The following MGAT4D variants were observed in gnomAD, a reference collection of about 807,000 sequenced individuals.
MGAT4D encodes the protein MGAT4 family member D, also known as alpha-1,3-mannosyl-glycoprotein 4-beta-N-acetylglucosaminyltransferase-like protein MGAT4D.
Under a neutral mutation model 15.9 loss-of-function variants are expected in MGAT4D, and 34 were observed. The ratio of observed to expected loss-of-function variants is 2.14; its 90% CI spans 1.62 to 2.84. The LOEUF is 2.84. Ranked by LOEUF, MGAT4D falls within the 30% of genes most tolerant of loss-of-function variation. The pLI, the probability that MGAT4D is intolerant of heterozygous loss-of-function variation, is 0.00. For synonymous variants in MGAT4D, 112 were observed against 48.2 expected (o/e 2.33, Z -5.49); for missense variants, 327 against 140.2 (o/e 2.33, Z -6.73).
intron 5 of MGAT4D, among the ~76,000 whole-genome samples, chr4:140,468,431 C>T (rs1392295913): frequency 6.6e-6 from 1 of 152,078 alleles, no homozygotes; most frequent in Non-Finnish European, 1.5e-5. Flanking sequence ...TTTAAGTGAT[C>T]TTCAAAAGGC....
intron 4 of MGAT4D, among the ~76,000 whole-genome samples, chr4:140,473,581 C>T (rs931734022): frequency 6.6e-6 from 1 of 152,214 alleles, no homozygotes; most frequent in Non-Finnish European, 1.5e-5. Context: ...GTAAGTTGCT[C>T]AAGTTCACTG....
intron 1 of MGAT4D, among the ~76,000 whole-genome samples, chr4:140,495,987 T>C (rs1733811641): frequency 1.3e-5 from 2 of 152,092 alleles, no homozygotes; most frequent in Non-Finnish European, 2.9e-5. Context: ...CCTGCCTCAG[T>C]CTCCCAAAGT....
intron 7 of MGAT4D, 94 bp from the exon 8 acceptor site, chr4:140,459,720 A>G (rs966549698): frequency 8.5e-6 from 3 of 353,870 alleles, no homozygotes; most frequent in African/African-American, 6.3e-5. Context: ...AACTGAATAT[A>G]CTGAAGAAAA....
At position 140,467,310 on chromosome 4, in the gene MGAT4D, T is replaced by C. The variant is rs953504355; in HGVS notation, c.573-2301A>G. Among the ~76,000 whole-genome samples the C allele has an allele frequency of 3.3e-5, 5 of 152,272 alleles. No individual in the cohort carries two copies. The East Asian group carries it at 5.8e-4, about 18-fold the overall frequency. On this transcript the variant is annotated intron_variant, in intron 5 of 10. Transcript: ENST00000511113. ...TGTGGTAAAAGTTAGTAACATAATA[T>C]CTAAATTTTTAAATGAATTTGTGTA...
chr4:140,493,200 C>T (rs758737501), intron 1 of MGAT4D, among the ~76,000 whole-genome samples: 8 of 151,928 alleles, frequency 5.3e-5, no homozygotes, highest in Non-Finnish European at 8.8e-5. Flanking sequence ...CCCGATGCCT[C>T]GGCTACCACC....
At chr4:140,452,650 T>C (rs1254996633) in intron 9 of MGAT4D, among the ~76,000 whole-genome samples, 1 of 152,200 alleles carries the variant, frequency 6.6e-6, no homozygotes, top group African/African-American at 2.4e-5. Flanking sequence ...TCTATACATA[T>C]ACTGAATACA....
intron 9 of MGAT4D, among the ~76,000 whole-genome samples, chr4:140,453,225 T>C (rs1730583066): frequency 6.6e-6 from 1 of 152,134 alleles, no homozygotes; most frequent in African/African-American, 2.4e-5. Flanking sequence ...ACTATTTTAG[T>C]AGATCTATTT....
rs1407890343 is a variant in MGAT4D at position 140,482,286 on chromosome 4, A to G, written c.253+41T>C. The G allele has an allele frequency of 4.8e-5, 28 of 585,616 alleles. No homozygotes were observed. In the East Asian group the frequency reaches 8.0e-4, roughly 17 times the overall value. 36.3% of individuals were successfully genotyped at this position (585,616 alleles called of 1,614,324 possible). ...TAAAATCATAAGACATTGAATCTAC[A>G]TTTCCAAAAACAAAACAAAACAAAC... On this transcript the variant is annotated intron_variant, in intron 2 of 10. Transcript: ENST00000511113.
intron 5 of MGAT4D, among the ~76,000 whole-genome samples, chr4:140,467,322 A>G (rs1410723589): frequency 2.6e-5 from 4 of 152,194 alleles, no homozygotes; most frequent in Non-Finnish European, 4.4e-5. Flanking sequence ...TAAATTTTTA[A>G]ATGAATTTGT....
intron 1 of MGAT4D, among the ~76,000 whole-genome samples, chr4:140,487,610 G>A (rs777262454): frequency 1.1e-4 from 16 of 152,070 alleles, no homozygotes; most frequent in Non-Finnish European, 1.8e-4. Flanking sequence ...TTACATTTTT[G>A]TACTAAATAT....
chr4:140,460,099 C>A (rs921094018), intron 7 of MGAT4D, among the ~76,000 whole-genome samples: 1 of 152,116 alleles, frequency 6.6e-6, no homozygotes, highest in African/African-American at 2.4e-5. Context: ...ATTAACCAGA[C>A]AAGAGAGTAT....
intron 1 of MGAT4D, among the ~76,000 whole-genome samples, chr4:140,493,485 T>C (rs566245693): frequency 5.9e-5 from 9 of 151,780 alleles, no homozygotes; most frequent in South Asian, 2.1e-4. Context: ...TTAGTAGAGA[T>C]GGGGTTTCAC....
intron 5 of MGAT4D, among the ~76,000 whole-genome samples, chr4:140,466,629 T>C (rs1037694717): frequency 1.3e-5 from 2 of 152,312 alleles, no homozygotes; most frequent in African/African-American, 4.8e-5. Flanking sequence ...TTTTCATTTT[T>C]CTATGTATTT....
intron 6 of MGAT4D, among the ~76,000 whole-genome samples, chr4:140,463,655 A>G (rs1252644561): frequency 6.6e-6 from 1 of 152,206 alleles, no homozygotes; most frequent in Admixed American, 6.5e-5. Context: ...AAATAATAAA[A>G]TTATAACAAT....
At chr4:140,452,583 T>C (rs970637872) in intron 9 of MGAT4D, among the ~76,000 whole-genome samples, 1 of 152,152 alleles carries the variant, frequency 6.6e-6, no homozygotes, top group Non-Finnish European at 1.5e-5. Flanking sequence ...GTCTGGATAG[T>C]GTCTGTTCAA....
intron 10 of MGAT4D, 44 bp downstream of exon 10, chr4:140,451,366 T>C: frequency 1.9e-6 from 1 of 529,122 alleles, no homozygotes; most frequent in Non-Finnish European, 3.4e-6. Context: ...TTTATAAGTT[T>C]ATAAAACATT....
chr4:140,488,889 C>T (rs1459848985), intron 1 of MGAT4D, among the ~76,000 whole-genome samples: 1 of 152,096 alleles, frequency 6.6e-6, no homozygotes, highest in East Asian at 1.9e-4. Flanking sequence ...TTCCATGTGA[C>T]ATGCCTGCCT....
intron 4 of MGAT4D, 35 bp downstream of exon 4, chr4:140,474,778 G>A: frequency 1.7e-6 from 1 of 588,220 alleles, no homozygotes; most frequent in Non-Finnish European, 3.0e-6. Flanking sequence ...ACCATAGGGT[G>A]AGGATAAGGA....
chr4:140,492,341 G>A (rs1053482533), intron 1 of MGAT4D, among the ~76,000 whole-genome samples: 2 of 152,104 alleles, frequency 1.3e-5, no homozygotes, highest in African/African-American at 2.4e-5. Flanking sequence ...TCAGATTATA[G>A]ATAAACTGCC....
Sources: allele counts gnomAD v4.1 joint callset (sites outside exome capture counted in the v4.1 genomes callset), GRCh38; gene constraint gnomAD v4.1.1; transcripts MANE v1.5; gene names NCBI Gene and HGNC (gene_info 2026-07-23, HGNC 2026-07-21).